The following LRMDA variants were observed in gnomAD, a reference collection of about 807,000 sequenced individuals.
LRMDA encodes leucine rich melanocyte differentiation associated.
Under a neutral mutation model 29.8 loss-of-function variants are expected in LRMDA, and 18 were observed. That is an observed-to-expected ratio of 0.60 (90% CI 0.42 to 0.90). The LOEUF (loss-of-function observed/expected upper bound fraction) is 0.90. Ranked by LOEUF, LRMDA falls within the 40% of genes least tolerant of loss-of-function variation. The pLI is 0.00. For synonymous variants in LRMDA, 125 were observed against 109.4 expected (o/e 1.14, Z -0.89); for missense variants, 273 against 273.9 (o/e 1.00, Z 0.02).
At chr10:75,992,490 C>G (rs985064640) in intron 2 of LRMDA, among the ~76,000 whole-genome samples, 1 of 152,156 alleles carries the variant, frequency 6.6e-6, no homozygotes, top group African/African-American at 2.4e-5. Context: ...GTCTCCAGTT[C>G]TTTATTTCTG....
At chr10:76,513,985 G>T (rs1165897332) in intron 6 of LRMDA, among the ~76,000 whole-genome samples, 1 of 152,136 alleles carries the variant, frequency 6.6e-6, no homozygotes, top group African/African-American at 2.4e-5. Context: ...TTGAGACACA[G>T]AACAAATAGT....
intron 2 of LRMDA, among the ~76,000 whole-genome samples, chr10:75,606,654 CCTTT>C (rs1199663643): frequency 2.6e-5 from 4 of 152,232 alleles, no homozygotes; most frequent in Admixed American, 1.3e-4. Flanking sequence ...TTTTTTCATC[CCTTT>C]CTTCTCACTT....
chr10:75,437,773 C>T (rs868399301), intron 1 of LRMDA, among the ~76,000 whole-genome samples: 1 of 152,204 alleles, frequency 6.6e-6, no homozygotes, highest in African/African-American at 2.4e-5. Flanking sequence ...CAAAGGGCCT[C>T]TGGAGGAGGG....
Position 76,058,774 on chromosome 10 carries a change from G to A in LRMDA, c.507G>A (p.Val169=), listed in dbSNP as rs780545249. The A allele has an allele frequency of 7.4e-6, 12 of 1,612,276 alleles. No homozygotes were observed. Among genetic ancestry groups the A allele is most frequent in the African/African-American group, 1.3e-5 (1 of 74,868 alleles). The change falls in exon 5 of 7, where the codon GTG becomes GTA. Residue 169 remains valine, a synonymous_variant. Coordinates refer to ENST00000611255, the MANE Select transcript of LRMDA (RefSeq NM_001305581.2). ...ALVRGVFMKV[V]KPKASSEDVA... The stretch of plus-strand genomic sequence containing the variant: ...TCAGAGGAGTCTTCATGAAGGTGGT[G>A]AAGCCCAAGGTGAGCTGCCTACTTG...
chr10:76,071,292 G>C (rs561996300), intron 5 of LRMDA, among the ~76,000 whole-genome samples: 1 of 152,164 alleles, frequency 6.6e-6, no homozygotes, highest in Non-Finnish European at 1.5e-5. Context: ...CCAAGATTGA[G>C]ATATTGGCTC....
intron 6 of LRMDA, among the ~76,000 whole-genome samples, chr10:76,532,322 A>G (rs1219179884): frequency 6.6e-6 from 1 of 152,202 alleles, no homozygotes; most frequent in Non-Finnish European, 1.5e-5. Flanking sequence ...CAAAGTGTTA[A>G]TTCACGGCTT....
intron 2 of LRMDA, among the ~76,000 whole-genome samples, chr10:75,578,236 A>AAAAAAAAAAAAAAAC: frequency 6.7e-6 from 1 of 148,386 alleles, no homozygotes; most frequent in Non-Finnish European, 1.5e-5. Flanking sequence ...AAAAAAAAAA[A>AAAAAAAAAAAAAAAC]AAAGCAGCAG....
At chr10:75,968,718 G>T (rs1018808212) in intron 2 of LRMDA, among the ~76,000 whole-genome samples, 1 of 152,184 alleles carries the variant, frequency 6.6e-6, no homozygotes, top group Non-Finnish European at 1.5e-5. Context: ...AAAAACTGTT[G>T]TTTTTCCTCT....
At chr10:75,932,759 T>TA (rs1340336399) in intron 2 of LRMDA, among the ~76,000 whole-genome samples, 1 of 152,224 alleles carries the variant, frequency 6.6e-6, no homozygotes, top group South Asian at 2.1e-4. Flanking sequence ...GGCTAGTAGT[T>TA]ATCACTTTAT....
intron 6 of LRMDA, among the ~76,000 whole-genome samples, chr10:76,348,165 GC>G: frequency 6.6e-6 from 1 of 152,230 alleles, no homozygotes; most frequent in Non-Finnish European, 1.5e-5. Context: ...TCAAAATGTA[GC>G]CCCGAGGAAA....
intron 6 of LRMDA, among the ~76,000 whole-genome samples, chr10:76,355,071 TTTATA>T (rs1324104778): frequency 6.6e-6 from 1 of 152,106 alleles, no homozygotes; most frequent in East Asian, 1.9e-4. Context: ...TCCTATGGGC[TTTATA>T]TTGTGTTGTG....
intron 2 of LRMDA, among the ~76,000 whole-genome samples, chr10:75,977,976 G>A (rs1228367702): frequency 6.6e-6 from 1 of 152,220 alleles, no homozygotes; most frequent in East Asian, 1.9e-4. Context: ...ATGGAATACT[G>A]CATATAAAGC....
chr10:76,485,534 C>T (rs528914599), intron 6 of LRMDA, among the ~76,000 whole-genome samples: 1 of 151,990 alleles, frequency 6.6e-6, no homozygotes, highest in Admixed American at 6.6e-5. Context: ...AAGGAGTTAT[C>T]TTTTAGATCA....
chr10:76,070,995 T>C (rs1008655627), intron 5 of LRMDA, among the ~76,000 whole-genome samples: 2 of 152,120 alleles, frequency 1.3e-5, no homozygotes, highest in African/African-American at 4.8e-5. Context: ...TGGACAGCTG[T>C]GGAGGAGAGA....
chr10:76,549,353 G>A (rs1026177330), intron 6 of LRMDA, among the ~76,000 whole-genome samples: 1 of 152,156 alleles, frequency 6.6e-6, no homozygotes, highest in African/African-American at 2.4e-5. Context: ...CTACAAACAA[G>A]TGGGTGAGAC....
At chr10:75,514,795 G>C (rs900614141) in intron 2 of LRMDA, among the ~76,000 whole-genome samples, 1 of 152,102 alleles carries the variant, frequency 6.6e-6, no homozygotes, top group Non-Finnish European at 1.5e-5. Context: ...ACAGCCTGTA[G>C]AACTGTGAGC....
intron 2 of LRMDA, among the ~76,000 whole-genome samples, chr10:75,568,967 C>G (rs1396760574): frequency 6.6e-6 from 1 of 152,148 alleles, no homozygotes; most frequent in African/African-American, 2.4e-5. Flanking sequence ...CTGAGGCAAC[C>G]CCTTCATAAA....
chr10:75,823,180 C>G (rs765398604), intron 2 of LRMDA, among the ~76,000 whole-genome samples: 1 of 152,118 alleles, frequency 6.6e-6, no homozygotes, highest in Non-Finnish European at 1.5e-5. Flanking sequence ...AAAAGGACAA[C>G]CTACAGAATG....
chr10:76,235,782 C>A (rs2132277700), intron 5 of LRMDA, among the ~76,000 whole-genome samples: 1 of 152,270 alleles, frequency 6.6e-6, no homozygotes, highest in South Asian at 2.1e-4. Flanking sequence ...GGGTTGTCTT[C>A]TTATACAGAT....
Sources: allele counts gnomAD v4.1 joint callset (sites outside exome capture counted in the v4.1 genomes callset), GRCh38; gene constraint gnomAD v4.1.1; transcripts MANE v1.5; gene names NCBI Gene and HGNC (gene_info 2026-07-23, HGNC 2026-07-21).